The following B3GNT2 variants were observed in gnomAD, a reference collection of about 807,000 sequenced individuals.
The protein encoded by B3GNT2 is N-acetyllactosaminide beta-1,3-N-acetylglucosaminyltransferase 2.
In B3GNT2, 12 loss-of-function variants were observed where a neutral mutation model predicts 27.6. The ratio of observed to expected loss-of-function variants is 0.44; its 90% CI spans 0.28 to 0.71. The LOEUF (loss-of-function observed/expected upper bound fraction) is 0.71. B3GNT2 is among the 30% of genes least tolerant of loss of function. The pLI is 0.17. For missense variants in B3GNT2, 413 were observed against 488.5 expected (o/e 0.85, Z 1.46); for synonymous variants, 192 against 189.7 (o/e 1.01, Z -0.10).
chr2:62,201,932 CCA>C (rs1215431682), intron 1 of B3GNT2, among the ~76,000 whole-genome samples: 1 of 152,214 alleles, frequency 6.6e-6, no homozygotes, highest in Non-Finnish European at 1.5e-5. Context: ...TCAAATCTGT[CCA>C]CACTGTGGTC....
chr2:62,220,224 G>A lies in B3GNT2; in HGVS notation c.-9-1988G>A, dbSNP rs544358948. 2.9e-4 allele frequency among the ~76,000 whole-genome samples: 44 copies of A among 152,320 alleles called. 1 individual carries two copies. The South Asian group carries it at 5.0e-3, about 17-fold the overall frequency. ...TTAAACTGTAAACTAAATTTCTCCC[G>A]TGGTTAGCTTGGCCTATGCCCAGGA... On this transcript the variant is annotated intron_variant, in intron 1 of 1. Transcript: ENST00000301998.
intron 1 of B3GNT2, among the ~76,000 whole-genome samples, chr2:62,205,541 G>T (rs1243930548): frequency 1.3e-5 from 2 of 152,232 alleles, no homozygotes; most frequent in East Asian, 3.8e-4. Flanking sequence ...CAGCCTTTGA[G>T]AAAGGGAGAA....
chr2:62,223,623 G>A lies in B3GNT2; in HGVS notation c.*209G>A, dbSNP rs1674767999. 5 of 536,934 alleles carry A rather than the reference G, an allele frequency of 9.3e-6. No individual in the cohort carries two copies. In the East Asian group the frequency reaches 1.3e-4, roughly 14 times the overall value. The allele number at this position is 536,934 out of a possible 1,614,324, so 33.3% of individuals were successfully genotyped here. ...TTTTTTTTTATGGATGATATGGCAGGATGATTGGTTCTGATCTTACCGGCT... is the reference window on the plus strand; with the variant it reads ...TTTTTTTTTATGGATGATATGGCAGAATGATTGGTTCTGATCTTACCGGCT... On this transcript the variant is annotated 3_prime_UTR_variant, in exon 2 of 2. Transcript: ENST00000301998.
At chr2:62,202,509 T>G in intron 1 of B3GNT2, among the ~76,000 whole-genome samples, 1 of 152,038 alleles carries the variant, frequency 6.6e-6, no homozygotes. Context: ...GATGTGGCAG[T>G]TAATAGTTAT....
At chr2:62,220,396 A>C (rs373892654) in intron 1 of B3GNT2, among the ~76,000 whole-genome samples, 28 of 152,356 alleles carry the variant, frequency 1.8e-4, no homozygotes, top group African/African-American at 6.7e-4. Context: ...AGATCTTTAC[A>C]GACACACAAT....
chr2:62,207,465 GAA>G (rs1674398307), intron 1 of B3GNT2, among the ~76,000 whole-genome samples: 1 of 152,178 alleles, frequency 6.6e-6, no homozygotes, highest in Non-Finnish European at 1.5e-5. Context: ...TGGTTGTTTT[GAA>G]AGAGTTTGTC....
chr2:62,216,772 A>G (rs1674583655), intron 1 of B3GNT2, among the ~76,000 whole-genome samples: 1 of 152,218 alleles, frequency 6.6e-6, no homozygotes, highest in East Asian at 1.9e-4. Context: ...ATGGTTTTGC[A>G]TGGGAGAAAA....
At chr2:62,215,098 G>T (rs1032033921) in intron 1 of B3GNT2, among the ~76,000 whole-genome samples, 2 of 152,142 alleles carry the variant, frequency 1.3e-5, no homozygotes, top group Non-Finnish European at 2.9e-5. Context: ...CTTTCGGGGG[G>T]TTGTAATCAG....
intron 1 of B3GNT2, among the ~76,000 whole-genome samples, chr2:62,213,214 G>A (rs938760365): frequency 6.6e-6 from 1 of 152,182 alleles, no homozygotes; most frequent in African/African-American, 2.4e-5. Flanking sequence ...TGAGGTGGAA[G>A]GATCGCTTGG....
Position 62,219,282 on chromosome 2 carries a change from G to C in B3GNT2, c.-9-2930G>C, listed in dbSNP as rs955549334. ...ATTAATGTTTAAATCCCTTTACTGA[G>C]TTAAATTTTTGCCGGGTATTAAGCT... On this transcript the variant is annotated intron_variant, in intron 1 of 1. Coordinates refer to ENST00000301998, the MANE Select transcript of B3GNT2 (RefSeq NM_006577.6). Among the ~76,000 whole-genome samples the C allele has an allele frequency of 8.7e-4, 132 of 152,152 alleles. 3 individuals carry two copies. Among genetic ancestry groups the C allele is most frequent in the Admixed American group, 8.5e-3 (130 of 15,272 alleles).
chr2:62,201,594 T>G (rs1178853392), intron 1 of B3GNT2, among the ~76,000 whole-genome samples: 1 of 152,258 alleles, frequency 6.6e-6, no homozygotes, highest in Non-Finnish European at 1.5e-5. Flanking sequence ...TCTCCTTATT[T>G]GTTTGGTACT....
intron 1 of B3GNT2, among the ~76,000 whole-genome samples, chr2:62,220,480 A>G (rs560775435): frequency 6.6e-6 from 1 of 152,322 alleles, no homozygotes; most frequent in South Asian, 2.1e-4. Context: ...CAGCATGACA[A>G]ATATTTTTCT....
chr2:62,199,474 T>A (rs569595916), intron 1 of B3GNT2, among the ~76,000 whole-genome samples: 3 of 152,326 alleles, frequency 2.0e-5, no homozygotes, highest in African/African-American at 4.8e-5. Flanking sequence ...TTTATAAACA[T>A]TGAGACCTTG....
chr2:62,222,062 A>T lies in B3GNT2; in HGVS notation c.-9-150A>T. 1 of 710,250 alleles carries T rather than the reference A, an allele frequency of 1.4e-6. No individual in the cohort carries two copies. Among genetic ancestry groups the T allele is most frequent in the Non-Finnish European group, 2.3e-6 (1 of 435,586 alleles). 44.0% of individuals were successfully genotyped at this position (710,250 alleles called of 1,614,324 possible). A position where few individuals can be genotyped will look rare whatever the true frequency, so the allele number is the denominator to read the frequency against. Reference sequence around the variant, plus strand: ...CCCACTTGCCCATGATCACAAAGCTAGAAAGGAAGGGCCAAGATTTGAACC... The same window carrying T: ...CCCACTTGCCCATGATCACAAAGCTTGAAAGGAAGGGCCAAGATTTGAACC... On this transcript the variant is annotated intron_variant, in intron 1 of 1. Transcript: ENST00000301998. The surrounding 1 kb of genome is among the most constrained non-coding windows in gnomAD (Gnocchi z 4.2).
chr2:62,218,032 A>C (rs927731094), intron 1 of B3GNT2, among the ~76,000 whole-genome samples: 2 of 152,246 alleles, frequency 1.3e-5, no homozygotes, highest in Non-Finnish European at 2.9e-5. Context: ...TGTGTTTCAC[A>C]GCGAGAGTTT....
chr2:62,213,482 G>C (rs947865697), intron 1 of B3GNT2, among the ~76,000 whole-genome samples: 4 of 152,104 alleles, frequency 2.6e-5, no homozygotes, highest in Non-Finnish European at 4.4e-5. Context: ...GGTGCAGGAG[G>C]GATAATGGGT....
At chr2:62,221,237 A>G (rs978506843) in intron 1 of B3GNT2, among the ~76,000 whole-genome samples, 10 of 152,206 alleles carry the variant, frequency 6.6e-5, no homozygotes, top group African/African-American at 2.2e-4. Flanking sequence ...TTCATCCACA[A>G]TAGTTTCCCT....
At chr2:62,198,469 C>G (rs1674198689) in intron 1 of B3GNT2, among the ~76,000 whole-genome samples, 1 of 152,182 alleles carries the variant, frequency 6.6e-6, no homozygotes, top group African/African-American at 2.4e-5. Flanking sequence ...TTCCCCTTAC[C>G]AAAAACAGTA....
intron 1 of B3GNT2, among the ~76,000 whole-genome samples, chr2:62,210,205 C>T (rs970329416): frequency 4.6e-5 from 7 of 152,176 alleles, no homozygotes; most frequent in East Asian, 3.8e-4. Flanking sequence ...CAATCCTCCT[C>T]GAGCAACGGT....
Sources: allele counts gnomAD v4.1 joint callset (sites outside exome capture counted in the v4.1 genomes callset), GRCh38; gene constraint gnomAD v4.1.1; non-coding constraint Gnocchi (gnomAD v3.1); transcripts MANE v1.5; gene names NCBI Gene and HGNC (gene_info 2026-07-23, HGNC 2026-07-21).